PIK3C2G: variants seen among roughly 807,000 people sequenced by gnomAD.
PIK3C2G encodes phosphatidylinositol 3-kinase C2 domain-containing subunit gamma.
A neutral mutation model predicts 181.1 loss-of-function variants in PIK3C2G; 168 were observed. The observed-to-expected ratio is 0.93, with a 90% CI of 0.82 to 1.05. The LOEUF is 1.05. Among genes scored for constraint, PIK3C2G ranks in the 50% least tolerant of loss-of-function variants. PIK3C2G has a pLI of 0.00. For synonymous variants in PIK3C2G, 573 were observed against 592.2 expected (o/e 0.97, Z 0.47); for missense variants, 1,869 against 1,732.8 (o/e 1.08, Z -1.40).
upstream of PIK3C2G, among the ~76,000 whole-genome samples, chr12:18,247,416 G>A (rs1948051607): frequency 3.3e-5 from 5 of 152,136 alleles, no homozygotes; most frequent in African/African-American, 9.7e-5. Context: ...CACACACCAA[G>A]AGTTTAGGAG....
rs190563013 is a variant in PIK3C2G, at chr12:18,567,088, A to G, written c.4011+31A>G. ...TTATAATTAATTTTTCTATTTTTAC[A>G]TAAAACATCAACTATTTTATATTTT... is the stretch of plus-strand genomic sequence containing the variant. On this transcript the variant is annotated intron_variant, in intron 29 of 32. Coordinates refer to ENST00000538779, the MANE Select transcript of PIK3C2G (RefSeq NM_001288772.2). 7.2e-6 allele frequency: 7 copies of G among 972,010 alleles called. No individual in the cohort carries two copies. In the East Asian group the frequency reaches 1.2e-4, roughly 17 times the overall value. The allele number at this position is 972,010 out of a possible 1,614,324, so 60.2% of individuals were successfully genotyped here. A position where few individuals can be genotyped will look rare whatever the true frequency, so the allele number is the denominator to read the frequency against.
At chr12:18,251,569 T>A (rs574861455) in intron 1 of PIK3C2G, among the ~76,000 whole-genome samples, 1 of 152,028 alleles carries the variant, frequency 6.6e-6, no homozygotes, top group African/African-American at 2.4e-5. Context: ...TATGAAATTA[T>A]CTTCACAATG....
upstream of PIK3C2G, among the ~76,000 whole-genome samples, chr12:18,244,371 GT>G (rs1215944979): frequency 3.9e-5 from 6 of 151,914 alleles, no homozygotes; most frequent in African/African-American, 1.4e-4. Flanking sequence ...AATCTAATAT[GT>G]TAGATTGTTT....
chr12:18,552,503 C>T (rs1244854139), intron 26 of PIK3C2G, among the ~76,000 whole-genome samples: 1 of 151,972 alleles, frequency 6.6e-6, no homozygotes, highest in African/African-American at 2.4e-5. Flanking sequence ...CAGAAATAAA[C>T]ACTACCAAGG....
At chr12:18,313,430 A>T (rs1180848743) in intron 5 of PIK3C2G, among the ~76,000 whole-genome samples, 1 of 152,110 alleles carries the variant, frequency 6.6e-6, no homozygotes, top group Non-Finnish European at 1.5e-5. Context: ...GGTTTCAGAT[A>T]GTTTTAGTTT....
chr12:18,262,202 T>A (rs1948272770), intron 1 of PIK3C2G, among the ~76,000 whole-genome samples: 1 of 152,160 alleles, frequency 6.6e-6, no homozygotes, highest in East Asian at 1.9e-4. Flanking sequence ...GAACCTATTG[T>A]GTGTCCCAGT....
intron 18 of PIK3C2G, among the ~76,000 whole-genome samples, chr12:18,477,216 C>T (rs1314560613): frequency 1.3e-5 from 2 of 152,160 alleles, no homozygotes; most frequent in Non-Finnish European, 2.9e-5. Flanking sequence ...TCTCTACATT[C>T]AGTCACCTTG....
At chr12:18,323,112 G>A (rs1951182670) in intron 7 of PIK3C2G, among the ~76,000 whole-genome samples, 1 of 152,154 alleles carries the variant, frequency 6.6e-6, no homozygotes, top group African/African-American at 2.4e-5. Context: ...AGAGAAGGAG[G>A]CTTTCATTCT....
At chr12:18,363,918 C>T (rs941462535) in intron 12 of PIK3C2G, among the ~76,000 whole-genome samples, 3 of 152,152 alleles carry the variant, frequency 2.0e-5, no homozygotes, top group Non-Finnish European at 4.4e-5. Context: ...CTCTATCTCC[C>T]CTTCTTTGGG....
intron 24 of PIK3C2G, among the ~76,000 whole-genome samples, chr12:18,514,052 T>C (rs767572056): frequency 2.0e-5 from 3 of 151,876 alleles, no homozygotes; most frequent in Non-Finnish European, 4.4e-5. Flanking sequence ...GTTTTGTTTT[T>C]ATTTTTGTCT....
chr12:18,324,943 G>A (rs1297295932), intron 7 of PIK3C2G, 92 bp from the exon 8 acceptor site: 1 of 668,366 alleles, frequency 1.5e-6, no homozygotes, highest in Non-Finnish European at 2.6e-6. Flanking sequence ...ATAGTATCAT[G>A]GGCAAAACAA....
upstream of PIK3C2G, among the ~76,000 whole-genome samples, chr12:18,257,585 G>A (rs567536671): frequency 6.6e-6 from 1 of 151,658 alleles, no homozygotes; most frequent in African/African-American, 2.4e-5. Flanking sequence ...AGATACTGCA[G>A]TATTGCTTTG....
At chr12:18,547,398 G>C (rs1416583748) in intron 26 of PIK3C2G, among the ~76,000 whole-genome samples, 1 of 151,938 alleles carries the variant, frequency 6.6e-6, no homozygotes, top group Non-Finnish European at 1.5e-5. Flanking sequence ...TGGGTGTGCT[G>C]CCCTTGTTGT....
chr12:18,524,722 C>T (rs753422701), intron 24 of PIK3C2G, among the ~76,000 whole-genome samples: 9 of 151,816 alleles, frequency 5.9e-5, no homozygotes, highest in Admixed American at 1.3e-4. Context: ...CCCACCACCA[C>T]GCCTGGCTAA....
chr12:18,686,781 G>T, the PIK3C2G span, among the ~76,000 whole-genome samples: 10 of 151,936 alleles, frequency 6.6e-5, no homozygotes, highest in African/African-American at 2.4e-4. Context: ...CCATATATAA[G>T]AATTCATTTA....
At chr12:18,314,091 AT>A in intron 6 of PIK3C2G, 27 bp downstream of exon 6, 1 of 1,184,268 alleles carries the variant, frequency 8.4e-7, no homozygotes. Flanking sequence ...ATTGGTTTCA[AT>A]TGGCAAACTG....
chr12:18,633,642 T>C (rs1399786289), intron 31 of PIK3C2G, among the ~76,000 whole-genome samples: 1 of 152,206 alleles, frequency 6.6e-6, no homozygotes, highest in Non-Finnish European at 1.5e-5. Flanking sequence ...AGAAGTACTC[T>C]TCCTTAGTTC....
At chr12:18,424,149 A>G in intron 18 of PIK3C2G, 110 bp downstream of exon 18, 1 of 635,918 alleles carries the variant, frequency 1.6e-6, no homozygotes. Context: ...TACAGACCAT[A>G]AAATTCAGGC....
chr12:18,446,737 TA>T (rs1947051123), intron 18 of PIK3C2G, among the ~76,000 whole-genome samples: 1 of 152,130 alleles, frequency 6.6e-6, no homozygotes, highest in Non-Finnish European at 1.5e-5. Flanking sequence ...CACAAAAGCA[TA>T]GTTAGAAGTT....
Sources: allele counts gnomAD v4.1 joint callset (sites outside exome capture counted in the v4.1 genomes callset), GRCh38; gene constraint gnomAD v4.1.1; transcripts MANE v1.5; gene names NCBI Gene and HGNC (gene_info 2026-07-23, HGNC 2026-07-21).